The following DNAJC13 variants were observed in gnomAD, a reference collection of about 807,000 sequenced individuals.
DNAJC13 encodes the protein dnaJ homolog subfamily C member 13.
DNAJC13 carries 75 observed loss-of-function variants against 290.5 expected under a neutral mutation model. The ratio of observed to expected loss-of-function variants is 0.26; its 90% CI spans 0.21 to 0.31. DNAJC13 has a LOEUF of 0.31. DNAJC13 is among the 10% of genes least tolerant of loss of function. DNAJC13 has a pLI of 1.00. For synonymous variants in DNAJC13, 862 were observed against 892.0 expected (o/e 0.97, Z 0.60); for missense variants, 2,260 against 2,674.5 (o/e 0.85, Z 3.42).
chr3:132,444,264 A>C (rs1321780929), intron 2 of DNAJC13, among the ~76,000 whole-genome samples: 1 of 152,234 alleles, frequency 6.6e-6, no homozygotes, highest in Non-Finnish European at 1.5e-5. Context: ...CCACAAAGCC[A>C]GTCCCTGGTG....
chr3:132,538,106 A>AT, intron 55 of DNAJC13, 70 bp from the exon 56 acceptor site: 1 of 1,325,610 alleles, frequency 7.5e-7, no homozygotes, highest in Admixed American at 1.9e-5. Flanking sequence ...AGGTTCTGAC[A>AT]TTTTTATAAA....
chr3:132,530,370 T>C (rs1461108617), intron 54 of DNAJC13, among the ~76,000 whole-genome samples: 1 of 152,258 alleles, frequency 6.6e-6, no homozygotes, highest in African/African-American at 2.4e-5. Context: ...TGGTATTTCC[T>C]AAATGTTTTG....
chr3:132,470,638 C>T (rs1406041009), intron 20 of DNAJC13, among the ~76,000 whole-genome samples: 18 of 137,734 alleles, frequency 1.3e-4, no homozygotes, highest in East Asian at 4.5e-4. Flanking sequence ...ACCTCCCTCC[C>T]GGACGGGGCG....
intron 1 of DNAJC13, among the ~76,000 whole-genome samples, chr3:132,424,850 A>C (rs1252513428): frequency 6.6e-6 from 1 of 152,038 alleles, no homozygotes. Context: ...TACATATTAC[A>C]CATACTGATT....
chr3:132,517,567 G>A (rs1018442188), intron 48 of DNAJC13, among the ~76,000 whole-genome samples: 1 of 151,954 alleles, frequency 6.6e-6, no homozygotes, highest in Non-Finnish European at 1.5e-5. Flanking sequence ...TCTAGGGTGG[G>A]GCCCAGGAGT....
intron 55 of DNAJC13, among the ~76,000 whole-genome samples, chr3:132,534,810 A>G (rs759567536): frequency 1.3e-5 from 2 of 152,212 alleles, no homozygotes; most frequent in Admixed American, 6.5e-5. Context: ...ATTTACTGCC[A>G]GTTGGATTGA....
At chr3:132,429,659 T>C (rs1036141139) in intron 1 of DNAJC13, among the ~76,000 whole-genome samples, 1 of 152,194 alleles carries the variant, frequency 6.6e-6, no homozygotes, top group Admixed American at 6.5e-5. Context: ...AGTTTTAAAA[T>C]GGAAAAGCAT....
At chr3:132,533,333 CTT>C (rs1180651951) in intron 55 of DNAJC13, among the ~76,000 whole-genome samples, 57 of 115,686 alleles carry the variant, frequency 4.9e-4, no homozygotes, top group Admixed American at 1.6e-3. Flanking sequence ...TGCCCGCCCT[CTT>C]TTTTTTTTTT....
chr3:132,479,356 G>A, intron 25 of DNAJC13, 67 bp downstream of exon 25: 1 of 1,122,998 alleles, frequency 8.9e-7, no homozygotes, highest in Non-Finnish European at 1.3e-6. Context: ...TAAACTCACA[G>A]TTTGAGTTGA....
intron 32 of DNAJC13, among the ~76,000 whole-genome samples, chr3:132,491,344 T>C (rs2107708075): frequency 6.6e-6 from 1 of 152,232 alleles, no homozygotes; most frequent in African/African-American, 2.4e-5. Context: ...TTTTAGGTAA[T>C]GAACTGATAA....
Position 132,503,300 on chromosome 3 carries a change from A to C in DNAJC13, c.4803A>C (p.Glu1601Asp). 1.9e-6 allele frequency: 3 copies of C among 1,614,178 alleles called. No individual in the cohort carries two copies. In the South Asian group the frequency reaches 3.3e-5, roughly 18 times the overall value. The change falls in exon 41 of 56, where the codon GAA becomes GAC. Residue 1601 changes from glutamate (E) to aspartate (D), a missense_variant. Around this residue, in one of 3 missense-constraint regions of DNAJC13, gnomAD observed 1,494 missense variants for 1,693.7 expected, o/e 0.88. Coordinates refer to ENST00000260818, the MANE Select transcript of DNAJC13 (RefSeq NM_015268.4). ...TGGCTGAAGAACAAGCAACTCCAGA[A>C]AATCCAACCATAAGGAAAAGCTTAG... Reference protein sequence around the residue: ...GYLAEEQATPENPTIRKSLAG... With the variant: ...GYLAEEQATPDNPTIRKSLAG...
rs189329972 is a variant in DNAJC13 at position 132,435,965 on chromosome 3, A to T, written c.68+1347A>T. Among the ~76,000 whole-genome samples, 18 of 152,296 alleles carry T rather than the reference A, an allele frequency of 1.2e-4. 1 individual carries two copies. The highest frequency in any genetic ancestry group is 3.4e-4 in the African/African-American group (14 of 41,568). On this transcript the variant is annotated intron_variant, in intron 2 of 55. Transcript: ENST00000260818. ...ACTATCCTCTTTTTTCCTCGTAATAATTCAGAGTACAACTGTTTGTGTGCT... is the reference window on the plus strand; with the variant it reads ...ACTATCCTCTTTTTTCCTCGTAATATTTCAGAGTACAACTGTTTGTGTGCT...
In DNAJC13 at chr3:132,432,361, C is replaced by A. The variant is rs548680790; in HGVS notation, c.-13-2177C>A. On this transcript the variant is annotated intron_variant, in intron 1 of 55. Transcript: ENST00000260818. ...GGGATTACAGGCGTCTGCCACCACG[C>A]CCGGCTGATTTTTTAGTATTTTTAG... 2.6e-5 allele frequency among the ~76,000 whole-genome samples: 4 copies of A among 152,124 alleles called. No homozygotes were observed. The East Asian group carries it at 7.7e-4, about 29-fold the overall frequency.
Position 132,491,152 on chromosome 3 carries a change from TA to T in DNAJC13, c.3623+102del, listed in dbSNP as rs991014413. The T allele has an allele frequency of 9.7e-6, 10 of 1,032,388 alleles. No homozygotes were observed. The Admixed American group carries it at 3.1e-4, about 32-fold the overall frequency. The allele number at this position is 1,032,388 out of a possible 1,614,324, so 64.0% of individuals were successfully genotyped here. On this transcript the variant is annotated intron_variant, in intron 32 of 55. Coordinates refer to ENST00000260818, the MANE Select transcript of DNAJC13 (RefSeq NM_015268.4). ...TTAAAAGAAATGTTTTCACTAGGTT[TA>T]TAATCTAAAATGACAGTAATCATTG...
rs371453160 is a variant in DNAJC13 at position 132,488,034 on chromosome 3, A to G, written c.3268-264A>G. Among the ~76,000 whole-genome samples, 16 of 152,308 alleles carry G rather than the reference A, an allele frequency of 1.1e-4. No homozygotes were observed. The East Asian group carries it at 1.7e-3, about 17-fold the overall frequency. On this transcript the variant is annotated intron_variant, in intron 29 of 55. Coordinates refer to ENST00000260818, the MANE Select transcript of DNAJC13 (RefSeq NM_015268.4). ...CACAAGAAGCAATGTTACCTGTAACATTATGACAAAACTAGCTTCAGGCAT... is the reference window on the plus strand; with the variant it reads ...CACAAGAAGCAATGTTACCTGTAACGTTATGACAAAACTAGCTTCAGGCAT...
rs1296279398 is a variant in DNAJC13, at chr3:132,538,345, T to C, written c.*63T>C. ...GCCAAGTCCACATTCCTCCAGCTGA[T>C]ACGTTGAAGCAAACTCTTACTGCCT... On this transcript the variant is annotated 3_prime_UTR_variant, in exon 56 of 56. Coordinates refer to ENST00000260818, the MANE Select transcript of DNAJC13 (RefSeq NM_015268.4). 3.9e-6 allele frequency: 5 copies of C among 1,294,044 alleles called. No individual in the cohort carries two copies. The highest frequency in any genetic ancestry group is 4.7e-5 in the East Asian group (2 of 42,850). 80.2% of individuals were successfully genotyped at this position (1,294,044 alleles called of 1,614,324 possible). A position where few individuals can be genotyped will look rare whatever the true frequency, so the allele number is the denominator to read the frequency against.
At chr3:132,466,154 T>G in intron 18 of DNAJC13, 84 bp downstream of exon 18, 1 of 1,418,254 alleles carries the variant, frequency 7.1e-7, no homozygotes, top group Non-Finnish European at 9.9e-7. Context: ...AGGGGATGGT[T>G]TGTTTTTTAT....
At chr3:132,502,571 T>TGGG (rs1935453536) in intron 40 of DNAJC13, 103 bp downstream of exon 40, 1 of 1,099,992 alleles carries the variant, frequency 9.1e-7, no homozygotes, top group Admixed American at 3.1e-5. Flanking sequence ...AGAGATAAAT[T>TGGG]GTTTTTCAGG....
intron 33 of DNAJC13, among the ~76,000 whole-genome samples, chr3:132,493,566 C>A (rs1184542311): frequency 6.6e-6 from 1 of 152,066 alleles, no homozygotes. Flanking sequence ...ATTTGATAGT[C>A]TGTAAAGTAC....
Sources: gnomAD v4.1 joint callset for allele counts (sites outside exome capture counted in the v4.1 genomes callset) on GRCh38, gnomAD v4.1.1 for gene constraint, gnomAD v4.1.1 regional missense constraint, MANE v1.5 for transcripts, NCBI Gene and HGNC (gene_info 2026-07-23, HGNC 2026-07-21) for gene names.